The following RXFP2 variants were observed in gnomAD, a reference collection of about 807,000 sequenced individuals.
RXFP2 encodes relaxin family peptide receptor 2.
RXFP2 carries 68 observed loss-of-function variants against 88.6 expected under a neutral mutation model. The observed-to-expected ratio is 0.77, with a 90% CI of 0.63 to 0.94. RXFP2 has a LOEUF of 0.94. Among genes scored for constraint, RXFP2 ranks in the 40% least tolerant of loss-of-function variants. The probability of loss-of-function intolerance (pLI) is 0.00; values close to 1 mark genes in which losing one functional copy is unlikely to be tolerated. For missense variants in RXFP2, 791 were observed against 893.9 expected (o/e 0.88, Z 1.47); for synonymous variants, 329 against 306.8 (o/e 1.07, Z -0.76).
rs1873557952 is a variant in RXFP2, at chr13:31,786,602, G to C, written c.1038G>C (p.Lys346Asn). ...LSSNPLMYLH[K>N]NQFESLKQLQ... ...CCAATCCTCTTATGTATCTTCACAA[G>C]AACCAGTTTGAAAGTCTTAAACAAC... is the stretch of plus-strand genomic sequence containing the variant. The change falls in exon 13 of 18, where the codon AAG (lysine) becomes AAC (asparagine). Residue 346 changes from lysine to asparagine, a missense_variant. By Grantham distance (94) the Lys-to-Asn change is moderately conservative (BLOSUM62 0). Transcript: ENST00000298386. The C allele has an allele frequency of 6.3e-7, 1 of 1,599,902 alleles. No individual in the cohort carries two copies. The highest frequency in any genetic ancestry group is 1.7e-5 in the Admixed American group (1 of 59,780).
intron 1 of RXFP2, among the ~76,000 whole-genome samples, chr13:31,751,120 T>C (rs760053475): frequency 6.6e-6 from 1 of 152,028 alleles, no homozygotes; most frequent in Non-Finnish European, 1.5e-5. Flanking sequence ...TGAAACCCCA[T>C]CTGTACTAAA....
At chr13:31,740,969 G>A (rs936202184) in intron 1 of RXFP2, among the ~76,000 whole-genome samples, 6 of 151,934 alleles carry the variant, frequency 3.9e-5, no homozygotes, top group African/African-American at 1.2e-4. Context: ...CTACAAAGCA[G>A]GTTCTTAAGA....
intron 14 of RXFP2, among the ~76,000 whole-genome samples, chr13:31,790,574 C>T (rs74044225): frequency 2.6e-5 from 4 of 152,162 alleles, no homozygotes; most frequent in South Asian, 2.1e-4. Context: ...CCAGGCACTG[C>T]GTTAGACACC....
At chr13:31,745,938 C>T (rs905129634) in intron 1 of RXFP2, among the ~76,000 whole-genome samples, 6 of 152,124 alleles carry the variant, frequency 3.9e-5, no homozygotes, top group African/African-American at 1.2e-4. Flanking sequence ...GATTAGGAGA[C>T]GGGAGGCAGC....
chr13:31,797,141 A>T, intron 16 of RXFP2, 60 bp from the exon 17 acceptor site: 1 of 1,179,338 alleles, frequency 8.5e-7, no homozygotes, highest in Non-Finnish European at 1.3e-6. Flanking sequence ...AACCTGTACC[A>T]CAGTAATTTT....
intron 17 of RXFP2, among the ~76,000 whole-genome samples, chr13:31,799,916 C>G (rs180808496): frequency 6.6e-6 from 1 of 152,096 alleles, no homozygotes; most frequent in East Asian, 1.9e-4. Flanking sequence ...TCATCCTCAG[C>G]GAGTCTACGA....
intron 1 of RXFP2, among the ~76,000 whole-genome samples, chr13:31,741,834 A>G (rs1034744018): frequency 1.2e-4 from 18 of 152,226 alleles, no homozygotes; most frequent in African/African-American, 4.3e-4. Context: ...GAACCATATT[A>G]CATATCAAAA....
intron 9 of RXFP2, 22 bp downstream of exon 9, chr13:31,778,605 A>T (rs1249850814): frequency 6.5e-7 from 1 of 1,531,442 alleles, no homozygotes; most frequent in Non-Finnish European, 9.0e-7. Flanking sequence ...TTTAGGAATT[A>T]ATTTGTTATT....
intron 10 of RXFP2, 49 bp from the exon 11 acceptor site, chr13:31,782,627 T>C: frequency 7.4e-7 from 1 of 1,349,074 alleles, no homozygotes; most frequent in Non-Finnish European, 1.1e-6. Context: ...GAGAACTGAT[T>C]ACTACAGCAG....
chr13:31,797,354 A>G lies in RXFP2; in HGVS notation c.1940A>G (p.Asp647Gly). 6.2e-7 allele frequency: 1 copy of G among 1,614,112 alleles called. No homozygotes were observed. The highest frequency in any genetic ancestry group is 8.5e-7 in the Non-Finnish European group (1 of 1,179,994). ...ANRFFFIVFS[D>G]AICWIPVFVV... The stretch of plus-strand genomic sequence containing the variant: ...CGTTTCTTTTTTATAGTGTTCTCTG[A>G]TGCCATCTGCTGGATTCCTGTATTT... Residue 647 changes from aspartate to glycine, a missense_variant, in exon 17 of 18, where the codon GAT becomes GGT. Physicochemically the swap from Asp to Gly is moderately conservative, Grantham distance 94 (BLOSUM62 -1). Transcript: ENST00000298386.
rs149859562 is a variant in RXFP2, at chr13:31,739,637, C to T, written c.25C>T (p.His9Tyr). Reference protein sequence around the residue: MIVFLVFKHLFSLRLITMF... With the variant: MIVFLVFKYLFSLRLITMF... ...TATGATTGTTTTTCTGGTTTTTAAA[C>T]ATCTCTTCAGCCTCAGATTGATTAC... is the stretch of plus-strand genomic sequence containing the variant. The change falls in exon 1 of 18, where the codon CAT (histidine) becomes TAT (tyrosine). Residue 9 changes from histidine to tyrosine, a missense_variant. His to Tyr is a moderately conservative substitution (Grantham distance 83). Coordinates refer to ENST00000298386, the MANE Select transcript of RXFP2 (RefSeq NM_130806.5). The T allele has an allele frequency of 2.2e-5, 36 of 1,605,710 alleles. No individual in the cohort carries two copies. In the Middle Eastern group the frequency reaches 6.6e-4, roughly 29 times the overall value.
rs117899747 is a variant in RXFP2, at chr13:31,739,756, C to T, written c.94+50C>T. On this transcript the variant is annotated intron_variant, in intron 1 of 17. Transcript: ENST00000298386. ...AAATGAGTGCAATTCCCAAAAAATA[C>T]ATTTCTATGTAGTTCTATGGCAGTT... 5.9e-3 allele frequency: 6,811 copies of T among 1,149,006 alleles called. 18 individuals carry two copies. Among genetic ancestry groups the T allele is most frequent in the Non-Finnish European group, 8.2e-3 (6,227 of 757,000 alleles). 71.2% of individuals were successfully genotyped at this position (1,149,006 alleles called of 1,614,324 possible).
intron 5 of RXFP2, among the ~76,000 whole-genome samples, chr13:31,766,763 G>T (rs1872563724): frequency 6.6e-6 from 1 of 152,176 alleles, no homozygotes; most frequent in Non-Finnish European, 1.5e-5. Context: ...TATTTGAAAA[G>T]TTGCATGGCA....
intron 1 of RXFP2, among the ~76,000 whole-genome samples, chr13:31,748,739 C>G (rs894303086): frequency 6.6e-6 from 1 of 152,188 alleles, no homozygotes; most frequent in Non-Finnish European, 1.5e-5. Context: ...GTAATCCCAG[C>G]ACTTTGGGAG....
chr13:31,773,632 A>G (rs908129286), intron 5 of RXFP2, among the ~76,000 whole-genome samples: 3 of 152,098 alleles, frequency 2.0e-5, no homozygotes, highest in Admixed American at 6.6e-5. Flanking sequence ...GGTCTGAAAG[A>G]GTCACCATCC....
In RXFP2 at chr13:31,791,817, A is replaced by G. The variant is rs1166611072; in HGVS notation, c.1157A>G (p.Asn386Ser). ...CCCTTTGACTTTAGTTATTTCAAAA[A>G]CTTTCGATACTGCTCCTATGCTCCC... Reference protein sequence around the residue: ...MKNLSHIYFKNFRYCSYAPHV... With the variant: ...MKNLSHIYFKSFRYCSYAPHV... Residue 386 changes from asparagine to serine, a missense_variant, in exon 15 of 18, where the codon AAC becomes AGC. Physicochemically the swap from Asn to Ser is conservative, Grantham distance 46 (BLOSUM62 1). Transcript: ENST00000298386. 6.2e-7 allele frequency: 1 copy of G among 1,613,870 alleles called. No individual in the cohort carries two copies. The highest frequency in any genetic ancestry group is 1.7e-5 in the Admixed American group (1 of 60,018).
chr13:31,749,514 A>G (rs1249501255), intron 1 of RXFP2, among the ~76,000 whole-genome samples: 50 of 152,270 alleles, frequency 3.3e-4, no homozygotes, highest in Admixed American at 3.0e-3. Flanking sequence ...GAATCTATAG[A>G]TTGATTTAGG....
rs185062197 is a variant in RXFP2 at position 31,743,692 on chromosome 13, A to G, written c.94+3986A>G. Among the ~76,000 whole-genome samples the G allele has an allele frequency of 5.4e-3, 815 of 151,092 alleles. 8 individuals are homozygous for G. Among genetic ancestry groups the G allele is most frequent in the African/African-American group, 0.019 (794 of 41,046 alleles). ...TCCCCTCCTCCCTGCCTCTGCAGGC[A>G]TCTGTCTCAGATGCTCTCCCGGCCT... On this transcript the variant is annotated intron_variant, in intron 1 of 17. Transcript: ENST00000298386.
chr13:31,788,137 G>GAAAA (rs11434187), intron 13 of RXFP2, among the ~76,000 whole-genome samples: 1 of 138,278 alleles, frequency 7.2e-6, no homozygotes, highest in Non-Finnish European at 1.6e-5. Context: ...GAGCCAGAGA[G>GAAAA]AAAAAAAAAA....
Sources: allele counts gnomAD v4.1 joint callset (sites outside exome capture counted in the v4.1 genomes callset), GRCh38; gene constraint gnomAD v4.1.1; transcripts MANE v1.5; gene names NCBI Gene and HGNC (gene_info 2026-07-23, HGNC 2026-07-21).